TMX3: variants seen among roughly 807,000 people sequenced by gnomAD.
TMX3 encodes the protein protein disulfide-isomerase TMX3.
A neutral mutation model predicts 64.4 loss-of-function variants in TMX3; 40 were observed. The observed-to-expected ratio is 0.62, with a 90% CI of 0.48 to 0.81. TMX3 has a LOEUF of 0.81. TMX3 is among the 30% of genes least tolerant of loss of function. The pLI, the probability that TMX3 is intolerant of heterozygous loss-of-function variation, is 0.00. For synonymous variants in TMX3, 189 were observed against 175.7 expected (o/e 1.08, Z -0.60); for missense variants, 497 against 534.5 (o/e 0.93, Z 0.69).
intron 8 of TMX3, among the ~76,000 whole-genome samples, chr18:68,695,874 C>CT (rs1766099177): frequency 6.6e-6 from 1 of 152,212 alleles, no homozygotes; most frequent in South Asian, 2.1e-4. Flanking sequence ...ACTGCCATGA[C>CT]TTACAATGCC....
At chr18:68,703,958 T>A (rs1040823974) in intron 4 of TMX3, among the ~76,000 whole-genome samples, 1 of 151,122 alleles carries the variant, frequency 6.6e-6, no homozygotes, top group East Asian at 1.9e-4. Flanking sequence ...AACAAAAATT[T>A]AAAAAAAAGC....
intron 3 of TMX3, among the ~76,000 whole-genome samples, chr18:68,710,552 ATAG>A (rs34883541): frequency 0.087 from 13,283 of 152,178 alleles, 1,631 homozygotes; most frequent in African/African-American, 0.28. Flanking sequence ...AAATGTCAAC[ATAG>A]TAGGTGACTT....
intron 8 of TMX3, among the ~76,000 whole-genome samples, chr18:68,692,303 T>A (rs1914600523): frequency 6.6e-6 from 1 of 152,148 alleles, no homozygotes; most frequent in Non-Finnish European, 1.5e-5. Context: ...CCTGAATAGT[T>A]CTTACTAGAA....
At chr18:68,701,653 C>T in intron 5 of TMX3, 92 bp downstream of exon 5, 1 of 1,577,190 alleles carries the variant, frequency 6.3e-7, no homozygotes, top group Non-Finnish European at 8.6e-7. Flanking sequence ...AATCTTCAAT[C>T]CTCCAGGGAA....
At chr18:68,684,756 G>GT (rs1254769852) in intron 10 of TMX3, among the ~76,000 whole-genome samples, 1 of 152,048 alleles carries the variant, frequency 6.6e-6, no homozygotes, top group African/African-American at 2.4e-5. Context: ...CACTTAAATA[G>GT]TATTTTTTAT....
intron 9 of TMX3, chr18:68,688,802 C>T (rs149294365): frequency 2.6e-5 from 4 of 152,064 alleles, no homozygotes; most frequent in East Asian, 1.9e-4. Flanking sequence ...GAATTTCATT[C>T]GAAAATAAAC....
chr18:68,684,747 A>C (rs113802109), intron 10 of TMX3, among the ~76,000 whole-genome samples: 1,894 of 152,304 alleles, frequency 0.012, 16 homozygotes, highest in African/African-American at 0.022. Flanking sequence ...TAATTTATAC[A>C]CTTAAATAGT....
intron 8 of TMX3, among the ~76,000 whole-genome samples, chr18:68,693,116 G>A (rs1163572884): frequency 2.0e-5 from 3 of 152,170 alleles, no homozygotes; most frequent in Non-Finnish European, 4.4e-5. Context: ...TTACATTAAG[G>A]CAATCCAGAA....
Position 68,683,027 on chromosome 18 carries a change from G to A in TMX3, c.849-46C>T, listed in dbSNP as rs8083026. The A allele has an allele frequency of 4.1e-3, 6,360 of 1,542,430 alleles. 214 individuals are homozygous for A. In the African/African-American group the frequency reaches 0.077, roughly 19 times the overall value. ...ATAAATAAATAAAAGGAGAGGGGGT[G>A]GGGGGAGAGAGAGAGAGAAAGCTCA... On this transcript the variant is annotated intron_variant, in intron 12 of 15. Coordinates refer to ENST00000299608, the MANE Select transcript of TMX3 (RefSeq NM_019022.5).
At chr18:68,708,100 T>C (rs971087897) in intron 4 of TMX3, among the ~76,000 whole-genome samples, 16 of 151,764 alleles carry the variant, frequency 1.1e-4, no homozygotes, top group African/African-American at 3.9e-4. Flanking sequence ...TGTATATATA[T>C]ATATGGAAAC....
chr18:68,712,458 G>C (rs1293493188), intron 2 of TMX3, among the ~76,000 whole-genome samples: 1 of 152,132 alleles, frequency 6.6e-6, no homozygotes, highest in African/African-American at 2.4e-5. Flanking sequence ...GCCATCTCTT[G>C]TGGATCCCGG....
intron 14 of TMX3, among the ~76,000 whole-genome samples, chr18:68,680,420 T>A (rs1212808735): frequency 1.3e-5 from 2 of 152,114 alleles, no homozygotes; most frequent in East Asian, 3.9e-4. Context: ...TTAAAATTTA[T>A]AGGAAAAAAA....
At chr18:68,708,184 A>G (rs78620820) in intron 4 of TMX3, among the ~76,000 whole-genome samples, 3,680 of 152,172 alleles carry the variant, frequency 0.024, 141 homozygotes, top group African/African-American at 0.083. Context: ...TTTCAAAGAA[A>G]TATCAACTCA....
At chr18:68,702,713 T>C (rs547534845) in intron 4 of TMX3, among the ~76,000 whole-genome samples, 2 of 152,334 alleles carry the variant, frequency 1.3e-5, no homozygotes, top group African/African-American at 2.4e-5. Flanking sequence ...TATTTTGTTA[T>C]CACACTTGGG....
chr18:68,684,241 A>C lies in TMX3; in HGVS notation c.797T>G (p.Leu266Trp), dbSNP rs1235872198. The change falls in exon 12 of 16, where the codon TTG (leucine) becomes TGG (tryptophan). Residue 266 changes from leucine (L) to tryptophan (W), a missense_variant and splice_region_variant. Physicochemically the swap from Leu to Trp is moderately conservative, Grantham distance 61. Around this residue, in one of 3 missense-constraint regions of TMX3, gnomAD observed 360 missense variants for 383.5 expected, o/e 0.94. Transcript: ENST00000299608. ...EKNTSVEHTR[L>W]KSIIQEVARD... is the part of the protein sequence containing the mutation. ...TGCAACTTCCTGAATAATTGACTTC[A>C]ATCTGTAGAAGAACAAACATATGAA... 2.5e-6 allele frequency: 4 copies of C among 1,611,126 alleles called. No homozygotes were observed. Among genetic ancestry groups the C allele is most frequent in the African/African-American group, 2.7e-5 (2 of 74,836 alleles).
At chr18:68,702,736 T>C (rs1051437252) in intron 4 of TMX3, among the ~76,000 whole-genome samples, 1 of 152,224 alleles carries the variant, frequency 6.6e-6, no homozygotes, top group Non-Finnish European at 1.5e-5. Context: ...AGGAAGCTAC[T>C]ACATCTGAAT....
At chr18:68,693,927 C>T (rs1002707054) in intron 8 of TMX3, among the ~76,000 whole-genome samples, 2 of 152,116 alleles carry the variant, frequency 1.3e-5, no homozygotes, top group African/African-American at 4.8e-5. Flanking sequence ...TGCACTTCCT[C>T]GATTCTGAGC....
rs1915271899 is a variant in TMX3, at chr18:68,697,979, T to C, written c.445A>G (p.Arg149Gly). The change falls in exon 7 of 16, where the codon AGA becomes GGA. Residue 149 changes from arginine (R) to glycine (G), a missense_variant. Arg to Gly is a moderately radical substitution (Grantham distance 125, BLOSUM62 -2). This residue lies in a region of TMX3 where 360 missense variants were observed against 383.5 expected (regional missense o/e 0.94). Coordinates refer to ENST00000299608, the MANE Select transcript of TMX3 (RefSeq NM_019022.5). ...ACATAAACGAAAAATACACGGTGTC[T>C]CTTCTGCATATGTTCAAACATTTGT... Reference protein sequence around the residue: ...SQQMFEHMQKRHRVFFVYVGG... With the variant: ...SQQMFEHMQKGHRVFFVYVGG... 1.9e-6 allele frequency: 3 copies of C among 1,612,418 alleles called. No individual in the cohort carries two copies. Among genetic ancestry groups the C allele is most frequent in the Admixed American group, 1.7e-5 (1 of 59,992 alleles).
chr18:68,686,475 C>A (rs1437544358), intron 10 of TMX3, among the ~76,000 whole-genome samples: 1 of 152,134 alleles, frequency 6.6e-6, no homozygotes, highest in Non-Finnish European at 1.5e-5. Context: ...CTTTAGGAGG[C>A]CAAGGCGTGC....
Sources: gnomAD v4.1 joint callset for allele counts (sites outside exome capture counted in the v4.1 genomes callset) on GRCh38, gnomAD v4.1.1 for gene constraint, gnomAD v4.1.1 regional missense constraint, MANE v1.5 for transcripts, NCBI Gene and HGNC (gene_info 2026-07-23, HGNC 2026-07-21) for gene names.